SORCS3: variants seen among roughly 807,000 people sequenced by gnomAD.
The protein encoded by SORCS3 is sortilin related VPS10 domain containing receptor 3, also known as VPS10 domain-containing receptor SorCS3.
SORCS3 carries 57 observed loss-of-function variants against 146.3 expected under a neutral mutation model. That is an observed-to-expected ratio of 0.39 (90% CI 0.31 to 0.49). The LOEUF (loss-of-function observed/expected upper bound fraction) is 0.49. Ranked by LOEUF, SORCS3 falls within the 20% of genes least tolerant of loss-of-function variation. The pLI, the probability that SORCS3 is intolerant of heterozygous loss-of-function variation, is 0.92. For synonymous variants in SORCS3, 653 were observed against 618.5 expected (o/e 1.06, Z -0.83); for missense variants, 1,341 against 1,575.5 (o/e 0.85, Z 2.52).
At chr10:105,156,471 A>G (rs912446657) in intron 9 of SORCS3, among the ~76,000 whole-genome samples, 1 of 152,116 alleles carries the variant, frequency 6.6e-6, no homozygotes, top group Middle Eastern at 3.2e-3. Context: ...AGGCGTGCAA[A>G]TCTCAAAACA....
chr10:105,183,145 T>C (rs1564778421), intron 14 of SORCS3, among the ~76,000 whole-genome samples: 1 of 151,932 alleles, frequency 6.6e-6, no homozygotes, highest in East Asian at 1.9e-4. Flanking sequence ...AGACATGGAG[T>C]GGTAGGAATG....
chr10:105,008,045 G>C (rs7078709), intron 4 of SORCS3, among the ~76,000 whole-genome samples: 24,714 of 152,134 alleles, frequency 0.16, 2,268 homozygotes, highest in African/African-American at 0.24. Flanking sequence ...TGCTGGCCTG[G>C]CATGATTCTG....
chr10:104,813,925 CTTTCT>C (rs2017767122), intron 1 of SORCS3, among the ~76,000 whole-genome samples: 1 of 135,348 alleles, frequency 7.4e-6, no homozygotes, highest in African/African-American at 2.8e-5. Context: ...GTTTTCTTTT[CTTTCT>C]TTTTTTTTTT....
rs189826617 is a variant in SORCS3, at chr10:105,182,345, G to A, written c.2009+4172G>A. ...AGGTAGATAGGATTGGCATCATTGG[G>A]CAGATGAGGACACTGAGGCTCAGCT... On this transcript the variant is annotated intron_variant, in intron 14 of 26. Coordinates refer to ENST00000369701, the MANE Select transcript of SORCS3 (RefSeq NM_014978.3). Among the ~76,000 whole-genome samples the A allele has an allele frequency of 5.3e-5, 8 of 150,674 alleles. No individual in the cohort carries two copies. In the East Asian group the frequency reaches 1.6e-3, roughly 30 times the overall value.
chr10:105,130,082 G>C (rs932538616), intron 7 of SORCS3, among the ~76,000 whole-genome samples: 5 of 152,122 alleles, frequency 3.3e-5, no homozygotes, highest in African/African-American at 1.2e-4. Flanking sequence ...CGTGCTATGT[G>C]CCAGATGCAA....
chr10:105,211,292 G>C (rs761386027), intron 17 of SORCS3, 42 bp downstream of exon 17: 2 of 1,400,934 alleles, frequency 1.4e-6, no homozygotes, highest in East Asian at 4.6e-5. Flanking sequence ...CTGTTTTCCT[G>C]TTTCTCTAAA....
intron 3 of SORCS3, among the ~76,000 whole-genome samples, chr10:104,961,445 T>C (rs915578250): frequency 9.9e-5 from 15 of 152,132 alleles, no homozygotes; most frequent in African/African-American, 3.6e-4. Flanking sequence ...ACATCAAAAA[T>C]AAGCAAAATG....
chr10:105,201,668 A>T (rs183942844), intron 16 of SORCS3, among the ~76,000 whole-genome samples: 12 of 152,254 alleles, frequency 7.9e-5, no homozygotes, highest in Non-Finnish European at 1.8e-4. Context: ...TCCCCCTAAT[A>T]ACAGCAATGG....
At chr10:104,661,159 A>G (rs544867845) in intron 1 of SORCS3, among the ~76,000 whole-genome samples, 17 of 152,230 alleles carry the variant, frequency 1.1e-4, no homozygotes, top group African/African-American at 3.9e-4. Context: ...ATCTGAGCAA[A>G]TATGGGGATT....
chr10:105,255,643 C>A, intron 23 of SORCS3, 59 bp from the exon 24 acceptor site: 1 of 1,179,372 alleles, frequency 8.5e-7, no homozygotes, highest in Middle Eastern at 1.9e-4. Flanking sequence ...GTTTCTTACC[C>A]CATGAGGGAG....
chr10:104,980,505 A>G (rs2054925959), intron 4 of SORCS3, among the ~76,000 whole-genome samples: 2 of 152,242 alleles, frequency 1.3e-5, no homozygotes, highest in African/African-American at 2.4e-5. Context: ...TGAGATTGAT[A>G]TACAAATGTG....
intron 5 of SORCS3, among the ~76,000 whole-genome samples, chr10:105,061,724 A>G (rs977586642): frequency 6.6e-6 from 1 of 150,840 alleles, no homozygotes; most frequent in African/African-American, 2.4e-5. Context: ...TTGAGGAATG[A>G]GGGATATGGC....
chr10:104,965,917 A>C (rs1442411877), intron 3 of SORCS3, among the ~76,000 whole-genome samples: 1 of 152,120 alleles, frequency 6.6e-6, no homozygotes, highest in African/African-American at 2.4e-5. Context: ...GGGGAGTCTA[A>C]TTTTGGCAAA....
chr10:104,922,297 G>A (rs1371468762), intron 3 of SORCS3, among the ~76,000 whole-genome samples: 1 of 152,240 alleles, frequency 6.6e-6, no homozygotes, highest in Admixed American at 6.5e-5. Context: ...AGGTGGAAAG[G>A]TAATTTTAGG....
intron 4 of SORCS3, among the ~76,000 whole-genome samples, chr10:104,994,860 T>G (rs1000509614): frequency 1.3e-5 from 2 of 152,212 alleles, no homozygotes; most frequent in Admixed American, 6.6e-5. Flanking sequence ...TAACGGGCAT[T>G]TGGATTGAAC....
At chr10:104,766,861 T>G (rs3001932) in intron 1 of SORCS3, among the ~76,000 whole-genome samples, 123,753 of 152,214 alleles carry the variant, frequency 0.81, 50,777 homozygotes, top group East Asian at 0.94. Context: ...TCCTTTCTGT[T>G]TCCACCCAAA....
At chr10:104,965,834 G>A (rs940254916) in intron 3 of SORCS3, among the ~76,000 whole-genome samples, 1 of 151,792 alleles carries the variant, frequency 6.6e-6, no homozygotes, top group Non-Finnish European at 1.5e-5. Flanking sequence ...CTGCAGTTTT[G>A]TTGGTGTGCT....
rs555599613 is a variant in SORCS3, at chr10:105,140,690, A to C, written c.1302+1204A>C. ...ATATATGCATAGGCTCGATTTTAAG[A>C]GACAGCACCGTTCATTCAACAAACT... On this transcript the variant is annotated intron_variant, in intron 8 of 26. Transcript: ENST00000369701. Among the ~76,000 whole-genome samples, 4 of 152,290 alleles carry C rather than the reference A, an allele frequency of 2.6e-5. No homozygotes were observed. In the South Asian group the frequency reaches 8.3e-4, roughly 32 times the overall value.
At chr10:104,859,399 C>T (rs938661681) in intron 2 of SORCS3, among the ~76,000 whole-genome samples, 4 of 152,118 alleles carry the variant, frequency 2.6e-5, no homozygotes, top group African/African-American at 9.7e-5. Flanking sequence ...CTTGCTTACA[C>T]CTTATACAAA....
Sources: gnomAD v4.1 joint callset for allele counts (sites outside exome capture counted in the v4.1 genomes callset) on GRCh38, gnomAD v4.1.1 for gene constraint, MANE v1.5 for transcripts, NCBI Gene and HGNC (gene_info 2026-07-23, HGNC 2026-07-21) for gene names.